The following TUT1 variants were observed in gnomAD, a reference collection of about 807,000 sequenced individuals.
TUT1 encodes terminal uridylyl transferase 1, U6 snRNA-specific, also known as speckle targeted PIP5K1A-regulated poly(A) polymerase.
A neutral mutation model predicts 48.8 loss-of-function variants in TUT1; 26 were observed. That is an observed-to-expected ratio of 0.53 (90% CI 0.39 to 0.74). The LOEUF (loss-of-function observed/expected upper bound fraction) is 0.74, where lower values mean the gene tolerates loss of function less well. Ranked by LOEUF, TUT1 falls within the 30% of genes least tolerant of loss-of-function variation. The pLI is 0.00. For missense variants in TUT1, 1,065 were observed against 1,114.8 expected (o/e 0.96, Z 0.64); for synonymous variants, 470 against 460.8 (o/e 1.02, Z -0.26).
intron 2 of TUT1, 59 bp from the exon 3 acceptor site, chr11:62,581,760 C>A: frequency 7.7e-7 from 1 of 1,294,662 alleles, no homozygotes; most frequent in East Asian, 2.9e-5. Flanking sequence ...AGCACGAGAT[C>A]TACAGTGGAT....
intron 2 of TUT1, chr11:62,582,652 C>A: frequency 2.2e-6 from 1 of 448,262 alleles, no homozygotes; most frequent in Admixed American, 2.4e-5. Context: ...AAACATTTTA[C>A]TCTCACCCCA....
chr11:62,578,806 C>T lies in TUT1; in HGVS notation c.915G>A (p.Leu305=). ...CCTCTAGCAGTGGTGAAGCTGGAGG[C>T]AGAGACTGGGGAGAAGCAAGGGTCT... The part of the protein sequence containing the change: ...ASETLASPQS[L]PPASPLLEDR... The change falls in exon 5 of 9, where the codon CTG becomes CTA. Residue 305 remains leucine (L), a synonymous_variant. Coordinates refer to ENST00000476907, the MANE Select transcript of TUT1 (RefSeq NM_022830.3). 6.2e-7 allele frequency: 1 copy of T among 1,614,116 alleles called. No individual in the cohort carries two copies. Among genetic ancestry groups the T allele is most frequent in the Non-Finnish European group, 8.5e-7 (1 of 1,180,012 alleles).
chr11:62,584,632 TG>T (rs1941880042), intron 2 of TUT1, among the ~76,000 whole-genome samples: 1 of 151,440 alleles, frequency 6.6e-6, no homozygotes, highest in South Asian at 2.1e-4. Flanking sequence ...TTAGTAGAGA[TG>T]GGGTTTCACC....
rs757949582 is a variant in TUT1 at position 62,575,194 on chromosome 11, A to T, written c.2525T>A (p.Met842Lys). The T allele has an allele frequency of 5.0e-6, 8 of 1,612,374 alleles. No homozygotes were observed. In the East Asian group the frequency reaches 1.8e-4, roughly 36 times the overall value. ...FVASVSPADR[M>K]LTVTPLQDPQ... ...ATCCTGGAGCGGGGTCACAGTGAGC[A>T]TTCGGTCAGCCGGGGAGACAGACGC... The change falls in exon 9 of 9, where the codon ATG (methionine) becomes AAG (lysine). Residue 842 changes from methionine to lysine, a missense_variant. Physicochemically the swap from Met to Lys is moderately conservative, Grantham distance 95. Coordinates refer to ENST00000476907, the MANE Select transcript of TUT1 (RefSeq NM_022830.3).
At position 62,581,166 on chromosome 11, in the gene TUT1, G is replaced by A; in HGVS notation, c.630C>T (p.Phe210=). The A allele has an allele frequency of 4.3e-6, 7 of 1,614,134 alleles. No homozygotes were observed. The highest frequency in any genetic ancestry group is 1.6e-4 in the Middle Eastern group (1 of 6,062). Residue 210 remains phenylalanine (F), a synonymous_variant, in exon 4 of 9, where the codon TTC becomes TTT. Transcript: ENST00000476907. The stretch of plus-strand genomic sequence containing the variant: ...GGTCAAGATCACAGCCATGGACATC[G>A]AAGCTATTTATGGAAGAGCCAAAAG... ...VHPFGSSINS[F]DVHGCDLDLF... is the part of the protein sequence containing the mutation.
intron 3 of TUT1, 84 bp from the exon 4 acceptor site, chr11:62,581,290 G>C: frequency 1.3e-6 from 2 of 1,562,932 alleles, no homozygotes; most frequent in Non-Finnish European, 1.8e-6. Context: ...AGATGGAAGA[G>C]CAACCAAACA....
At chr11:62,581,036 G>T (rs1217374914) in intron 4 of TUT1, 70 bp downstream of exon 4, 2 of 1,195,580 alleles carry the variant, frequency 1.7e-6, no homozygotes, top group African/African-American at 3.0e-5. Context: ...GAGAGCTAAA[G>T]GACTTGCCCA....
Position 62,575,273 on chromosome 11 carries a change from C to A in TUT1, c.2446G>T (p.Gly816Ter). The A allele has an allele frequency of 6.2e-7, 1 of 1,614,198 alleles. No homozygotes were observed. Among genetic ancestry groups the A allele is most frequent in the Non-Finnish European group, 8.5e-7 (1 of 1,180,030 alleles). ...GGCCTCTCTTCGCCACCACTCAGTC[C>A]TTTCAGCTCCTGGGTGACCTGAGCC... ...TEAQVTQELKGLSGGEERPET... is the reference protein window; with the variant it reads ...TEAQVTQELK Residue 816 changes from glycine to a stop codon, truncating the protein, a stop_gained, in exon 9 of 9, where the codon GGA becomes TGA. Coordinates refer to ENST00000476907, the MANE Select transcript of TUT1 (RefSeq NM_022830.3). LOFTEE classifies it high-confidence loss of function.
chr11:62,575,840 A>ATACC lies in TUT1; in HGVS notation c.1875_1878dup (p.Phe627GlyfsTer46). 1 of 1,614,122 alleles carries ATACC rather than the reference A, an allele frequency of 6.2e-7. No homozygotes were observed. Among genetic ancestry groups the ATACC allele is most frequent in the Non-Finnish European group, 8.5e-7 (1 of 1,180,022 alleles). On this transcript the variant is annotated frameshift_variant, in exon 9 of 9. Coordinates refer to ENST00000476907, the MANE Select transcript of TUT1 (RefSeq NM_022830.3). LOFTEE classifies it low-confidence loss of function (END_TRUNC). ...ATATGGCACCCCAGTGCTTCCCTGA[A>ATACC]TACCTGCACCAGGGCAGCAGTGAGC...
At position 62,577,281 on chromosome 11, in the gene TUT1, G is replaced by T. The variant is rs754093168; in HGVS notation, c.1171C>A (p.His391Asn). The change falls in exon 6 of 9, where the codon CAT becomes AAT. Residue 391 changes from histidine (H) to asparagine (N), a missense_variant. Coordinates refer to ENST00000476907, the MANE Select transcript of TUT1 (RefSeq NM_022830.3). ...DVSLSNRLAL[H>N]NSRFLSLCSE... ...CAGAGACTCAGGAAACGGGAGTTATGCAGGGCCAGCCTGGGACAAAGCAGG... is the reference window on the plus strand; with the variant it reads ...CAGAGACTCAGGAAACGGGAGTTATTCAGGGCCAGCCTGGGACAAAGCAGG... 1.9e-6 allele frequency: 3 copies of T among 1,612,758 alleles called. No homozygotes were observed. The highest frequency in any genetic ancestry group is 1.7e-6 in the Non-Finnish European group (2 of 1,179,620).
rs535015148 is a variant in TUT1, at chr11:62,575,957, C to G, written c.1762G>C (p.Asp588His). ...TGCAGAAGAGGGAGCAGCCCCCAGT[C>G]CCGACCCCGGGAGGAACGGCGCTGG... ...QYQRRSSRGR[D>H]WGLLPLLQPS... is the part of the protein sequence containing the mutation. Residue 588 changes from aspartate to histidine, a missense_variant, in exon 9 of 9, where the codon GAC becomes CAC. Asp to His is a moderately conservative substitution (Grantham distance 81). Transcript: ENST00000476907. 4.5e-5 allele frequency: 72 copies of G among 1,614,114 alleles called. No individual in the cohort carries two copies. The highest frequency in any genetic ancestry group is 6.0e-5 in the Non-Finnish European group (71 of 1,180,036).
At chr11:62,588,718 G>A (rs936114894) in intron 2 of TUT1, among the ~76,000 whole-genome samples, 1 of 151,848 alleles carries the variant, frequency 6.6e-6, no homozygotes, top group Non-Finnish European at 1.5e-5. Context: ...TTCTTAAGAC[G>A]GAGTCTTGCT....
At position 62,575,572 on chromosome 11, in the gene TUT1, AG is replaced by A; in HGVS notation, c.2146del (p.Leu716Ter). ...AGGGGCTCCATGCTTTCCAGTGGTC[AG>A]GGGCAGGTCCCCTGGCTGCCCAGGG... ...QSPGQPGDLP[L>X]TTGKHGAPGE... is the part of the protein sequence containing the mutation. On this transcript the variant is annotated frameshift_variant, in exon 9 of 9. Transcript: ENST00000476907. LOFTEE classifies it low-confidence loss of function (END_TRUNC). 1 of 1,614,076 alleles carries A rather than the reference AG, an allele frequency of 6.2e-7. No homozygotes were observed. Among genetic ancestry groups the A allele is most frequent in the Non-Finnish European group, 8.5e-7 (1 of 1,180,018 alleles).
chr11:62,584,985 C>T (rs1006091144), intron 2 of TUT1, among the ~76,000 whole-genome samples: 1 of 150,706 alleles, frequency 6.6e-6, no homozygotes, highest in African/African-American at 2.4e-5. Flanking sequence ...CTACGCCCAG[C>T]TAATTTTTTT....
chr11:62,588,096 A>G (rs1014996592), intron 2 of TUT1, among the ~76,000 whole-genome samples: 9 of 152,228 alleles, frequency 5.9e-5, no homozygotes, highest in African/African-American at 9.6e-5. Flanking sequence ...GCTCTGTGAG[A>G]GCAGGGACCA....
At chr11:62,582,383 G>A (rs1251963652) in intron 2 of TUT1, 4 of 258,826 alleles carry the variant, frequency 1.5e-5, no homozygotes, top group Admixed American at 5.0e-5. Context: ...TCGCACCACT[G>A]CACTCCAGTC....
At chr11:62,580,506 T>A (rs1239812721) in intron 4 of TUT1, among the ~76,000 whole-genome samples, 8 of 150,906 alleles carry the variant, frequency 5.3e-5, no homozygotes, top group Admixed American at 4.6e-4. Flanking sequence ...CCTTATTGTA[T>A]AATTTTAAAT....
chr11:62,576,771 G>T, intron 7 of TUT1, 22 bp from the exon 8 acceptor site: 1 of 1,613,402 alleles, frequency 6.2e-7, no homozygotes, highest in South Asian at 1.1e-5. Flanking sequence ...AATAAGGTGA[G>T]AGTCAGTCTG....
chr11:62,583,811 T>C (rs1941868457), intron 2 of TUT1, among the ~76,000 whole-genome samples: 1 of 152,152 alleles, frequency 6.6e-6, no homozygotes, highest in African/African-American at 2.4e-5. Flanking sequence ...CTGAAAGAAA[T>C]TCACACATCT....
Sources: allele counts gnomAD v4.1 joint callset (sites outside exome capture counted in the v4.1 genomes callset), GRCh38; gene constraint gnomAD v4.1.1; transcripts MANE v1.5; gene names NCBI Gene and HGNC (gene_info 2026-07-23, HGNC 2026-07-21).